SIMC1: variants seen among roughly 807,000 people sequenced by gnomAD.
The protein encoded by SIMC1 is SUMO-interacting motif-containing protein 1.
In SIMC1, 55 loss-of-function variants were observed where a neutral mutation model predicts 82.3. The observed-to-expected ratio is 0.67, with a 90% confidence interval of 0.54 to 0.84. The LOEUF (loss-of-function observed/expected upper bound fraction) is 0.84, where lower values mean the gene tolerates loss of function less well. SIMC1 is among the 40% of genes least tolerant of loss of function. SIMC1 has a pLI of 0.00. For synonymous variants in SIMC1, 353 were observed against 426.3 expected, an observed-to-expected ratio of 0.83 and a Z score of 2.12; for missense variants, 915 against 1,107.2, an observed-to-expected ratio of 0.83 and a Z score of 2.46.
intron 4 of SIMC1, among the ~76,000 whole-genome samples, chr5:176,305,138 G>GGGGGA (rs1561710129): frequency 2.3e-5 from 1 of 42,690 alleles, no homozygotes; most frequent in African/African-American, 6.2e-5. Flanking sequence ...CATCCAGGAG[G>GGGGGA]GGGGGGGGGT....
chr5:176,287,608 A>G (rs1763348916), intron 1 of SIMC1, among the ~76,000 whole-genome samples: 1 of 152,134 alleles, frequency 6.6e-6, no homozygotes, highest in African/African-American at 2.4e-5. Flanking sequence ...GTGCACATGT[A>G]CCCTAGAACT....
chr5:176,315,479 A>T (rs570010462), intron 5 of SIMC1, among the ~76,000 whole-genome samples: 3 of 152,324 alleles, frequency 2.0e-5, no homozygotes, highest in African/African-American at 7.2e-5. Flanking sequence ...GCTGTATCAG[A>T]TGGGTTTATC....
At chr5:176,308,404 C>G (rs1764518824) in intron 4 of SIMC1, 1 of 1,606,660 alleles carries the variant, frequency 6.2e-7, no homozygotes. Context: ...ACAGGCCACC[C>G]CATGAGAGTT....
chr5:176,265,445 C>T (rs533965751), intron 1 of SIMC1, among the ~76,000 whole-genome samples: 9 of 152,334 alleles, frequency 5.9e-5, no homozygotes, highest in Middle Eastern at 3.4e-3. Context: ...TGATAAGCCT[C>T]GGGTCAGCAG....
intron 1 of SIMC1, among the ~76,000 whole-genome samples, chr5:176,254,123 A>G (rs1310008604): frequency 1.3e-5 from 2 of 152,206 alleles, no homozygotes; most frequent in African/African-American, 4.8e-5. Context: ...ACTGGGTGGA[A>G]TTAAAGCAGA....
chr5:176,288,028 A>G (rs756236177), intron 1 of SIMC1, among the ~76,000 whole-genome samples: 4 of 152,138 alleles, frequency 2.6e-5, no homozygotes, highest in Non-Finnish European at 5.9e-5. Context: ...ACTCCAAACA[A>G]TCAAAGGGAT....
intron 9 of SIMC1, among the ~76,000 whole-genome samples, chr5:176,337,695 T>C (rs1380721726): frequency 6.6e-6 from 1 of 152,216 alleles, no homozygotes; most frequent in East Asian, 1.9e-4. Flanking sequence ...GCAGCATCTT[T>C]GCTCACTGAC....
At position 176,289,728 on chromosome 5, in the gene SIMC1, A is replaced by G; in HGVS notation, c.204A>G (p.Thr68=). Residue 68 remains threonine, a synonymous_variant, in exon 2 of 10, where the codon ACA becomes ACG. Coordinates refer to ENST00000429602, the MANE Select transcript of SIMC1 (RefSeq NM_001308195.2). ...DRSGLYVIDL[T]RAEGENRPIA... is the part of the protein sequence containing the mutation. ...GTGGACTGTATGTGATTGACCTGAC[A>G]AGAGCTGAGGGAGAAAATAGACCTA... is the stretch of plus-strand genomic sequence containing the variant. 6.2e-7 allele frequency: 1 copy of G among 1,613,574 alleles called. No individual in the cohort carries two copies. Among genetic ancestry groups the G allele is most frequent in the Non-Finnish European group, 8.5e-7 (1 of 1,179,720 alleles).
intron 1 of SIMC1, among the ~76,000 whole-genome samples, chr5:176,274,456 G>T (rs1256894334): frequency 1.3e-5 from 2 of 151,734 alleles, no homozygotes; most frequent in Admixed American, 1.3e-4. Flanking sequence ...TTTGTGGGTT[G>T]CCTGTTCACT....
At position 176,247,107 on chromosome 5, in the gene SIMC1, C is replaced by T. The variant is rs1761477166; in HGVS notation, c.129+8470C>T. 1.3e-5 allele frequency among the ~76,000 whole-genome samples: 2 copies of T among 152,006 alleles called. 1 individual carries two copies. Among genetic ancestry groups the T allele is most frequent in the South Asian group, 4.2e-4 (2 of 4,804 alleles). On this transcript the variant is annotated intron_variant, in intron 1 of 9. Transcript: ENST00000429602. The stretch of plus-strand genomic sequence containing the variant: ...TCTTTATAGTAGAATGATTTATAAT[C>T]CTTTGGGTATATACCCAGTAATGGG...
chr5:176,279,477 G>C (rs548437222), intron 1 of SIMC1, among the ~76,000 whole-genome samples: 1 of 151,706 alleles, frequency 6.6e-6, no homozygotes, highest in East Asian at 1.9e-4. Flanking sequence ...ATTTCCTTCA[G>C]TTCTGCTCTG....
At chr5:176,291,002 C>T in intron 2 of SIMC1, 47 bp downstream of exon 2, 1 of 1,366,858 alleles carries the variant, frequency 7.3e-7, no homozygotes, top group Non-Finnish European at 9.8e-7. Flanking sequence ...TTCCCTAGGC[C>T]TAGGAGAAGG....
chr5:176,257,142 C>T (rs1180457434), intron 1 of SIMC1, among the ~76,000 whole-genome samples: 1 of 152,156 alleles, frequency 6.6e-6, no homozygotes, highest in Non-Finnish European at 1.5e-5. Flanking sequence ...TATTCAATAG[C>T]ATAACTTTCC....
intron 7 of SIMC1, 31 bp from the exon 8 acceptor site, chr5:176,336,689 G>T: frequency 6.2e-7 from 1 of 1,609,782 alleles, no homozygotes. Context: ...TAGTTGTGAT[G>T]ATTAACTCCC....
intron 4 of SIMC1, among the ~76,000 whole-genome samples, chr5:176,297,319 G>A (rs1380864717): frequency 1.3e-5 from 2 of 152,020 alleles, no homozygotes; most frequent in Non-Finnish European, 2.9e-5. Flanking sequence ...TGCCCAACAT[G>A]GAGAAACCCT....
At chr5:176,274,736 T>C (rs1343616805) in intron 1 of SIMC1, among the ~76,000 whole-genome samples, 1 of 151,878 alleles carries the variant, frequency 6.6e-6, no homozygotes, top group Non-Finnish European at 1.5e-5. Flanking sequence ...CTAGCCAGTT[T>C]TCCCAGCACC....
chr5:176,313,265 C>T, intron 4 of SIMC1: 1 of 1,389,170 alleles, frequency 7.2e-7, no homozygotes, highest in Non-Finnish European at 9.4e-7. Context: ...CTCTGTTTTG[C>T]CATCTGTAGT....
At chr5:176,277,588 C>A (rs1053431069) in intron 1 of SIMC1, among the ~76,000 whole-genome samples, 5 of 151,990 alleles carry the variant, frequency 3.3e-5, no homozygotes, top group Non-Finnish European at 5.9e-5. Flanking sequence ...TTAGGTCTAA[C>A]GTTTAAGTCT....
chr5:176,344,500 CACACA>C (rs1766323008), intron 9 of SIMC1, among the ~76,000 whole-genome samples: 2 of 140,116 alleles, frequency 1.4e-5, no homozygotes, highest in African/African-American at 5.3e-5. Flanking sequence ...CACACACACA[CACACA>C]CCTGAGACTG....
Sources: gnomAD v4.1 joint callset for allele counts (sites outside exome capture counted in the v4.1 genomes callset) on GRCh38, gnomAD v4.1.1 for gene constraint, MANE v1.5 for transcripts, NCBI Gene and HGNC (gene_info 2026-07-23, HGNC 2026-07-21) for gene names.